Variants in RPS6KC1 observed in about 807,000 individuals in gnomAD.
The protein encoded by RPS6KC1 is ribosomal protein S6 kinase C1.
RPS6KC1 carries 54 observed loss-of-function variants against 103.8 expected under a neutral mutation model. The observed-to-expected ratio is 0.52, with a 90% CI of 0.42 to 0.65. The LOEUF is 0.65. Ranked by LOEUF, RPS6KC1 falls within the 30% of genes least tolerant of loss-of-function variation. The pLI, the probability that RPS6KC1 is intolerant of heterozygous loss-of-function variation, is 0.00. For missense variants in RPS6KC1, 1,151 were observed against 1,253.8 expected (o/e 0.92, Z 1.24); for synonymous variants, 439 against 438.7 (o/e 1.00, Z -0.01).
chr1:213,292,950 G>C, the RPS6KC1 span, among the ~76,000 whole-genome samples: 37 of 152,300 alleles, frequency 2.4e-4, 1 homozygote, highest in East Asian at 4.8e-3. Flanking sequence ...ACATGGATGA[G>C]GGAAAAACCC....
the RPS6KC1 span, among the ~76,000 whole-genome samples, chr1:213,661,473 A>C: frequency 1.3e-5 from 2 of 152,290 alleles, no homozygotes; most frequent in East Asian, 3.9e-4. Flanking sequence ...CTTTCAGTTG[A>C]CGAGCATCTT....
chr1:213,736,229 G>C, the RPS6KC1 span, among the ~76,000 whole-genome samples: 9 of 152,278 alleles, frequency 5.9e-5, no homozygotes, highest in Non-Finnish European at 7.4e-5. Flanking sequence ...AGTAGTCCAG[G>C]CACAACTTAA....
chr1:213,733,636 G>A, the RPS6KC1 span, among the ~76,000 whole-genome samples: 1 of 150,848 alleles, frequency 6.6e-6, no homozygotes, highest in African/African-American at 2.5e-5. Context: ...TTATTTTAAG[G>A]TTGGAAACTT....
chr1:213,551,108 A>C, the RPS6KC1 span, among the ~76,000 whole-genome samples: 22 of 152,262 alleles, frequency 1.4e-4, no homozygotes, highest in African/African-American at 5.1e-4. Flanking sequence ...CTTCATGCAA[A>C]GCCATAGGTG....
chr1:213,120,867 A>C (rs574601812), intron 5 of RPS6KC1, among the ~76,000 whole-genome samples: 2 of 152,126 alleles, frequency 1.3e-5, no homozygotes, highest in Admixed American at 6.6e-5. Context: ...AGTGATCATT[A>C]TTTTTGTTAA....
chr1:213,605,049 C>T, the RPS6KC1 span, among the ~76,000 whole-genome samples: 5 of 152,118 alleles, frequency 3.3e-5, no homozygotes, highest in South Asian at 6.2e-4. Context: ...TTAACAAATC[C>T]TTCTCATCCT....
intron 3 of RPS6KC1, among the ~76,000 whole-genome samples, chr1:213,085,022 C>G (rs968733007): frequency 2.0e-5 from 3 of 152,208 alleles, no homozygotes; most frequent in Non-Finnish European, 4.4e-5. Context: ...TTACCATACA[C>G]TTGGTGGCGT....
the RPS6KC1 span, among the ~76,000 whole-genome samples, chr1:213,401,529 G>T: frequency 1.3e-5 from 2 of 152,150 alleles, no homozygotes; most frequent in African/African-American, 4.8e-5. Context: ...GAATTTTCAC[G>T]GAACCTGAAG....
the RPS6KC1 span, among the ~76,000 whole-genome samples, chr1:213,510,940 A>C: frequency 1.3e-5 from 2 of 152,128 alleles, no homozygotes; most frequent in Non-Finnish European, 2.9e-5. Context: ...CTGAGTACTT[A>C]ACTGTGTGCA....
the RPS6KC1 span, among the ~76,000 whole-genome samples, chr1:213,837,818 T>C: frequency 6.6e-6 from 1 of 152,372 alleles, no homozygotes; most frequent in African/African-American, 2.4e-5. Context: ...GTGAATATAT[T>C]TTGTTAAACA....
chr1:213,489,756 G>A, the RPS6KC1 span, among the ~76,000 whole-genome samples: 2 of 151,998 alleles, frequency 1.3e-5, no homozygotes, highest in Non-Finnish European at 2.9e-5. Flanking sequence ...AAGGCATGTC[G>A]GGCAAAAAAT....
At chr1:213,181,590 T>G (rs891137820) in intron 8 of RPS6KC1, among the ~76,000 whole-genome samples, 1 of 152,228 alleles carries the variant, frequency 6.6e-6, no homozygotes, top group Non-Finnish European at 1.5e-5. Flanking sequence ...TGGAAAAACA[T>G]GTATTTGGAA....
At chr1:213,115,802 T>C (rs956547474) in intron 4 of RPS6KC1, among the ~76,000 whole-genome samples, 17 of 152,294 alleles carry the variant, frequency 1.1e-4, no homozygotes, top group East Asian at 1.9e-4. Context: ...GCCTTCATTT[T>C]GTTATGTACG....
At chr1:213,237,813 T>C (rs1438166147) in intron 10 of RPS6KC1, among the ~76,000 whole-genome samples, 1 of 152,118 alleles carries the variant, frequency 6.6e-6, no homozygotes, top group Admixed American at 6.5e-5. Context: ...CAAAAAGACT[T>C]AGAAAAGTAT....
At chr1:213,091,695 A>T (rs2148661548) in intron 3 of RPS6KC1, among the ~76,000 whole-genome samples, 1 of 152,292 alleles carries the variant, frequency 6.6e-6, no homozygotes, top group East Asian at 1.9e-4. Context: ...ATTTTAAAGT[A>T]TTGGGAAGCT....
chr1:213,644,422 A>T, the RPS6KC1 span, among the ~76,000 whole-genome samples: 1 of 152,044 alleles, frequency 6.6e-6, no homozygotes, highest in Non-Finnish European at 1.5e-5. Context: ...TTGATATTGC[A>T]CTTTCTATGG....
the RPS6KC1 span, among the ~76,000 whole-genome samples, chr1:213,801,293 A>G: frequency 6.6e-6 from 1 of 152,216 alleles, no homozygotes; most frequent in Non-Finnish European, 1.5e-5. Context: ...ATACTCGCAC[A>G]TATGAAACAC....
the RPS6KC1 span, among the ~76,000 whole-genome samples, chr1:213,462,166 A>ATCAC: frequency 6.9e-4 from 105 of 152,356 alleles, no homozygotes; most frequent in South Asian, 4.1e-3. Context: ...AAAGCTCATC[A>ATCAC]TCACTTGTCA....
At chr1:213,360,344 T>C in the RPS6KC1 span, among the ~76,000 whole-genome samples, 1 of 152,238 alleles carries the variant, frequency 6.6e-6, no homozygotes, top group Non-Finnish European at 1.5e-5. Context: ...TCCAGTTGAT[T>C]GAATCGGCTA....
Sources: gnomAD v4.1 joint callset for allele counts (sites outside exome capture counted in the v4.1 genomes callset) on GRCh38, gnomAD v4.1.1 for gene constraint, MANE v1.5 for transcripts, NCBI Gene and HGNC (gene_info 2026-07-23, HGNC 2026-07-21) for gene names.